SPAG16: variants seen among roughly 807,000 people sequenced by gnomAD.
The protein encoded by SPAG16 is sperm-associated antigen 16 protein.
SPAG16 carries 86 observed loss-of-function variants against 80.4 expected under a neutral mutation model. That is an observed-to-expected ratio of 1.07 (90% CI 0.90 to 1.28). The LOEUF is 1.28. SPAG16 is among the 50% of genes most tolerant of loss of function. SPAG16 has a pLI of 0.00. For missense variants in SPAG16, 870 were observed against 765.3 expected, an observed-to-expected ratio of 1.14 and a Z score of -1.61; for synonymous variants, 294 against 265.9, an observed-to-expected ratio of 1.11 and a Z score of -1.03.
At chr2:213,312,015 C>A (rs745569215) in intron 4 of SPAG16, among the ~76,000 whole-genome samples, 11 of 151,438 alleles carry the variant, frequency 7.3e-5, no homozygotes, top group Non-Finnish European at 1.3e-4. Context: ...AAACTAAGAT[C>A]CTTGGGCCAA....
At chr2:214,258,471 G>GCA (rs1553539130) in intron 15 of SPAG16, among the ~76,000 whole-genome samples, 2 of 141,416 alleles carry the variant, frequency 1.4e-5, no homozygotes, top group Non-Finnish European at 3.0e-5. Context: ...ATGTGTGTGT[G>GCA]TATATATATA....
intron 10 of SPAG16, among the ~76,000 whole-genome samples, chr2:213,808,147 T>C (rs897000744): frequency 2.6e-5 from 4 of 152,170 alleles, no homozygotes; most frequent in African/African-American, 7.2e-5. Flanking sequence ...TAAGGAAGAA[T>C]AGTGTTTGTT....
At chr2:214,192,583 T>C (rs2057697987) in intron 15 of SPAG16, among the ~76,000 whole-genome samples, 1 of 152,132 alleles carries the variant, frequency 6.6e-6, no homozygotes, top group African/African-American at 2.4e-5. Context: ...CTCTTTGTCA[T>C]ATACTATAGT....
At chr2:213,664,980 C>T (rs2063551332) in intron 10 of SPAG16, among the ~76,000 whole-genome samples, 1 of 152,000 alleles carries the variant, frequency 6.6e-6, no homozygotes, top group African/African-American at 2.4e-5. Flanking sequence ...CTATACTCAG[C>T]TTAACTTGCC....
At position 214,285,549 on chromosome 2, in the gene SPAG16, C is replaced by CT. The variant is rs1693290186; in HGVS notation, c.1721-124590dup. Among the ~76,000 whole-genome samples the CT allele has an allele frequency of 2.6e-5, 4 of 152,242 alleles. No individual in the cohort carries two copies. The South Asian group carries it at 8.3e-4, about 32-fold the overall frequency. ...GCTAGCCGGGCGTGGTGGCTCACAC[C>CT]TGTAATCCTAGCACATTGGGAGGCC... On this transcript the variant is annotated intron_variant, in intron 15 of 15. Coordinates refer to ENST00000331683, the MANE Select transcript of SPAG16 (RefSeq NM_024532.5).
At chr2:213,365,146 T>C (rs2066211188) in intron 8 of SPAG16, 1 of 152,206 alleles carries the variant, frequency 6.6e-6, no homozygotes, top group Non-Finnish European at 1.5e-5. Context: ...AGGAAGACAG[T>C]CATCCAGAGT....
chr2:213,608,774 C>A (rs1257305577), intron 10 of SPAG16, among the ~76,000 whole-genome samples: 1 of 152,248 alleles, frequency 6.6e-6, no homozygotes, highest in African/African-American at 2.4e-5. Flanking sequence ...CCAACTCCGC[C>A]TCCTGCGTTC....
chr2:214,066,226 C>T (rs2050521021), intron 13 of SPAG16, among the ~76,000 whole-genome samples: 1 of 152,146 alleles, frequency 6.6e-6, no homozygotes, highest in South Asian at 2.1e-4. Flanking sequence ...TTTCCTGGCT[C>T]ACCTTCCCAC....
At chr2:213,776,825 C>CT (rs2069610308) in intron 10 of SPAG16, among the ~76,000 whole-genome samples, 1 of 88,714 alleles carries the variant, frequency 1.1e-5, no homozygotes, top group Non-Finnish European at 2.7e-5. Flanking sequence ...CGTTCTATGC[C>CT]ACCCCCCCCC....
chr2:214,383,023 C>T (rs796300923), intron 15 of SPAG16, among the ~76,000 whole-genome samples: 57 of 152,144 alleles, frequency 3.7e-4, no homozygotes, highest in African/African-American at 1.3e-3. Context: ...CCACAAAAGA[C>T]AACTCCATTC....
chr2:213,973,636 C>CCT, intron 12 of SPAG16, among the ~76,000 whole-genome samples: 1 of 140,796 alleles, frequency 7.1e-6, no homozygotes, highest in East Asian at 2.1e-4. Flanking sequence ...AAATTGCCCC[C>CCT]TTTTTTTTTT....
intron 10 of SPAG16, among the ~76,000 whole-genome samples, chr2:213,833,664 CT>C (rs2073923771): frequency 1.7e-5 from 2 of 117,896 alleles, no homozygotes; most frequent in Non-Finnish European, 3.3e-5. Context: ...GAGATAGGAT[CT>C]TCTACCCACG....
intron 9 of SPAG16, among the ~76,000 whole-genome samples, chr2:213,397,589 G>A (rs895812393): frequency 2.0e-5 from 3 of 152,108 alleles, no homozygotes; most frequent in Non-Finnish European, 2.9e-5. Context: ...ATGTTGATAT[G>A]GATGATCCTT....
chr2:213,688,085 G>A (rs1300481580), intron 10 of SPAG16, among the ~76,000 whole-genome samples: 2 of 152,162 alleles, frequency 1.3e-5, no homozygotes, highest in African/African-American at 2.4e-5. Flanking sequence ...GTCCAGAAAG[G>A]TGGGGCAGTT....
In SPAG16 at chr2:214,384,246, C is replaced by T. The variant is rs147988130; in HGVS notation, c.1721-25894C>T. Reference sequence around the variant, plus strand: ...GAAGGCATGACAATGCCTATCTGCACTGTTTGTTATAATGCTTTTTCCCCA... The same window carrying T: ...GAAGGCATGACAATGCCTATCTGCATTGTTTGTTATAATGCTTTTTCCCCA... On this transcript the variant is annotated intron_variant, in intron 15 of 15. Transcript: ENST00000331683. Among the ~76,000 whole-genome samples, 6 of 152,248 alleles carry T rather than the reference C, an allele frequency of 3.9e-5. No homozygotes were observed. The East Asian group carries it at 1.2e-3, about 29-fold the overall frequency.
At chr2:213,974,231 A>C (rs916213540) in intron 12 of SPAG16, among the ~76,000 whole-genome samples, 2 of 152,148 alleles carry the variant, frequency 1.3e-5, no homozygotes, top group African/African-American at 4.8e-5. Flanking sequence ...TTTTAAGCAA[A>C]GAAATGCTAC....
intron 12 of SPAG16, among the ~76,000 whole-genome samples, chr2:214,012,719 G>C (rs1430631468): frequency 6.6e-6 from 1 of 152,056 alleles, no homozygotes; most frequent in Non-Finnish European, 1.5e-5. Context: ...AGTTATTTAA[G>C]AGCAATCAGT....
At chr2:213,819,740 ATTGT>A (rs764956428) in intron 10 of SPAG16, among the ~76,000 whole-genome samples, 19 of 150,524 alleles carry the variant, frequency 1.3e-4, no homozygotes, top group Admixed American at 7.9e-4. Context: ...TTTTTGTTTG[ATTGT>A]TTGTTTGGTT....
At chr2:213,678,723 AGCAGCCCTAGGGATTGCTGTTTTCT>A (rs1224863126) in intron 10 of SPAG16, among the ~76,000 whole-genome samples, 1 of 152,144 alleles carries the variant, frequency 6.6e-6, no homozygotes, top group Non-Finnish European at 1.5e-5. Context: ...CTGTTCCTAG[AGCAGCCCTAGGGATTGCTGTTTTCT>A]GCTATCTGTG....
Sources: gnomAD v4.1 joint callset for allele counts (sites outside exome capture counted in the v4.1 genomes callset) on GRCh38, gnomAD v4.1.1 for gene constraint, MANE v1.5 for transcripts, NCBI Gene and HGNC (gene_info 2026-07-23, HGNC 2026-07-21) for gene names.